Variants in HMCN2 observed in about 807,000 individuals in gnomAD.
The protein encoded by HMCN2 is hemicentin-2.
HMCN2 carries 325 observed loss-of-function variants against 377.5 expected under a neutral mutation model. That is an observed-to-expected ratio of 0.86 (90% CI 0.79 to 0.94). The LOEUF (loss-of-function observed/expected upper bound fraction) is 0.94. Among genes scored for constraint, HMCN2 ranks in the 40% least tolerant of loss-of-function variants. The pLI, the probability that HMCN2 is intolerant of heterozygous loss-of-function variation, is 0.00. For missense variants in HMCN2, 4,543 were observed against 4,725.3 expected (o/e 0.96, Z 1.13); for synonymous variants, 2,007 against 2,046.8 (o/e 0.98, Z 0.53).
rs1339492988 is a variant in HMCN2, at chr9:130,391,468, C to A, written c.9846C>A (p.Gly3282=). 2.0e-6 allele frequency: 2 copies of A among 987,798 alleles called. No homozygotes were observed. Among genetic ancestry groups the A allele is most frequent in the East Asian group, 2.3e-4 (2 of 8,810 alleles). 61.2% of individuals were successfully genotyped at this position (987,798 alleles called of 1,614,324 possible). The change falls in exon 65 of 98, where the codon GGC becomes GGA. Residue 3282 remains glycine, a synonymous_variant. Transcript: ENST00000683500. The part of the protein sequence containing the change: ...GPHLRFYLDG[G]SLVLKGLRAS... ...GTGGCAGGTTCTACCTGGACGGCGG[C>A]TCCCTGGTGCTAAAAGGCCTGAGGG...
At position 130,428,982 on chromosome 9, in the gene HMCN2, G is replaced by A. The variant is rs1844562548; in HGVS notation, c.14197+493G>A. 6.6e-6 allele frequency among the ~76,000 whole-genome samples: 1 copy of A among 152,196 alleles called. No individual in the cohort carries two copies. Among genetic ancestry groups the A allele is most frequent in the African/African-American group, 2.4e-5 (1 of 41,444 alleles). Reference sequence around the variant, plus strand: ...CCTGCTCTAACAGTCTATGGCTGTAGGACCGTGGGTCCACCCGGCTCCTCT... The same window carrying A: ...CCTGCTCTAACAGTCTATGGCTGTAAGACCGTGGGTCCACCCGGCTCCTCT... On this transcript the variant is annotated intron_variant, in intron 93 of 97. Coordinates refer to ENST00000683500, the MANE Select transcript of HMCN2 (RefSeq NM_001291815.2). This position sits in a 1 kb window ranked among gnomAD's most constrained non-coding sequence, Gnocchi z 5.0.
chr9:130,393,100 A>G lies in HMCN2; in HGVS notation c.10137-112A>G. 1 of 643,856 alleles carries G rather than the reference A, an allele frequency of 1.6e-6. No homozygotes were observed. Among genetic ancestry groups the G allele is most frequent in the Non-Finnish European group, 1.9e-6 (1 of 516,838 alleles). 39.9% of individuals were successfully genotyped at this position (643,856 alleles called of 1,614,324 possible). The stretch of plus-strand genomic sequence containing the variant: ...AGCTCTTGGGAGACAAAGGTTGGAA[A>G]AGGGAGGAAGTCTTTCCACGCAGCC... On this transcript the variant is annotated intron_variant, in intron 66 of 97. Transcript: ENST00000683500. This position sits in a 1 kb window ranked among gnomAD's most constrained non-coding sequence, Gnocchi z 5.2.
At chr9:130,342,676 C>T (rs1839122155) in intron 25 of HMCN2, among the ~76,000 whole-genome samples, 1 of 152,188 alleles carries the variant, frequency 6.6e-6, no homozygotes, top group Admixed American at 6.5e-5. Context: ...GTCACACAGC[C>T]AGGATGTGAC....
chr9:130,300,264 G>A (rs868944709), intron 8 of HMCN2, among the ~76,000 whole-genome samples: 16 of 150,254 alleles, frequency 1.1e-4, no homozygotes, highest in South Asian at 8.4e-4. Context: ...CCACCCATTC[G>A]TCCACCCACC....
Position 130,391,982 on chromosome 9 carries a change from A to T in HMCN2, c.10000A>T (p.Ser3334Cys). 4 of 988,248 alleles carry T rather than the reference A, an allele frequency of 4.0e-6. No individual in the cohort carries two copies. Among genetic ancestry groups the T allele is most frequent in the Non-Finnish European group, 4.8e-6 (4 of 830,320 alleles). 61.2% of individuals were successfully genotyped at this position (988,248 alleles called of 1,614,324 possible). The change falls in exon 66 of 98, where the codon AGC (serine) becomes TGC (cysteine). Residue 3334 changes from serine to cysteine, a missense_variant. By Grantham distance (112) the Ser-to-Cys change is moderately radical (BLOSUM62 -1). Transcript: ENST00000683500. ...QGADGSGTLV[S>C]RPGELVTMVC... ...AGCAGACGGCTCGGGGACCCTGGTG[A>T]GCAGGCCTGGGGAGCTGGTGACCAT...
At chr9:130,337,396 G>A (rs1838810905) in intron 22 of HMCN2, among the ~76,000 whole-genome samples, 1 of 152,100 alleles carries the variant, frequency 6.6e-6, no homozygotes, top group Admixed American at 6.5e-5. Flanking sequence ...GGGCCTCAGG[G>A]CTGCCAGCTT....
chr9:130,295,843 C>T (rs1301509637), intron 6 of HMCN2, 71 bp downstream of exon 6: 5 of 442,324 alleles, frequency 1.1e-5, no homozygotes, highest in Admixed American at 2.5e-5. Context: ...CTCCTACTTG[C>T]CCTGGGGAGC....
At chr9:130,415,842 A>G (rs1036279999) in intron 85 of HMCN2, among the ~76,000 whole-genome samples, 1 of 152,168 alleles carries the variant, frequency 6.6e-6, no homozygotes, top group Non-Finnish European at 1.5e-5. Context: ...AGCCAGGGCC[A>G]TGCCGCAGGC....
chr9:130,385,624 C>T lies in HMCN2; in HGVS notation c.9171C>T (p.Asp3057=), dbSNP rs1354080005. ...PQDAVLVRVG[D]KAVLSCETDA... ...ATGCGGTCCTGGTGAGGGTCGGGGA[C>T]AAAGCTGTCCTGAGCTGCGAGACAG... Residue 3057 remains aspartate (D), a synonymous_variant, in exon 60 of 98, where the codon GAC becomes GAT. Transcript: ENST00000683500. 1 of 1,304,204 alleles carries T rather than the reference C, an allele frequency of 7.7e-7. No individual in the cohort carries two copies. The highest frequency in any genetic ancestry group is 1.2e-5 in the South Asian group (1 of 81,030). The allele number at this position is 1,304,204 out of a possible 1,614,324, so 80.8% of individuals were successfully genotyped here. A position where few individuals can be genotyped will look rare whatever the true frequency, so the allele number is the denominator to read the frequency against.
Position 130,425,138 on chromosome 9 carries a change from G to A in HMCN2, c.13641+8G>A. The A allele has an allele frequency of 1.3e-6, 2 of 1,544,654 alleles. No homozygotes were observed. The highest frequency in any genetic ancestry group is 1.7e-6 in the Non-Finnish European group (2 of 1,144,186). Reference sequence around the variant, plus strand: ...GCAGATCTTCAAGTGCAGGTCGGGGGTCAAGCCCTGGGGTGTGCAGACAGG... The same window carrying A: ...GCAGATCTTCAAGTGCAGGTCGGGGATCAAGCCCTGGGGTGTGCAGACAGG... On this transcript the variant is annotated splice_region_variant and intron_variant, in intron 89 of 97. Transcript: ENST00000683500.
chr9:130,398,656 G>A lies in HMCN2; in HGVS notation c.11432G>A (p.Trp3811Ter), dbSNP rs1436981641. The A allele has an allele frequency of 7.8e-7, 1 of 1,289,566 alleles. No individual in the cohort carries two copies. Among genetic ancestry groups the A allele is most frequent in the Non-Finnish European group, 1.0e-6 (1 of 988,730 alleles). 79.9% of individuals were successfully genotyped at this position (1,289,566 alleles called of 1,614,324 possible). Reference protein sequence around the residue: ...ASGSPKPLVVWWKDGQKLDFR... With the variant: ...ASGSPKPLVV The stretch of plus-strand genomic sequence containing the variant: ...GGCTCCCCTAAGCCCCTGGTGGTCT[G>A]GTGGAAGGACGGACAGAAGCTGGAC... The change falls in exon 75 of 98, where the codon TGG (tryptophan) becomes TAG (stop). Residue 3811 changes from tryptophan (W) to a stop codon, truncating the protein, a stop_gained. Coordinates refer to ENST00000683500, the MANE Select transcript of HMCN2 (RefSeq NM_001291815.2). LOFTEE classifies it high-confidence loss of function.
intron 59 of HMCN2, among the ~76,000 whole-genome samples, chr9:130,385,048 G>A (rs1841946287): frequency 6.6e-6 from 1 of 152,212 alleles, no homozygotes; most frequent in Admixed American, 6.5e-5. Context: ...TTCAAGGCTC[G>A]TGGTCTTCAG....
chr9:130,379,127 A>G (rs771947851), intron 53 of HMCN2, 122 bp from the exon 54 acceptor site: 8 of 197,646 alleles, frequency 4.0e-5, no homozygotes, highest in Non-Finnish European at 5.5e-5. Context: ...GCCCTGACCC[A>G]AGGGAATGGC....
At chr9:130,340,798 G>A (rs1044402041) in intron 23 of HMCN2, among the ~76,000 whole-genome samples, 79 of 152,196 alleles carry the variant, frequency 5.2e-4, no homozygotes, top group Non-Finnish European at 5.4e-4. Context: ...GATTACAGGC[G>A]TGAGCCACCG....
At chr9:130,302,663 G>A (rs145132303) in intron 8 of HMCN2, among the ~76,000 whole-genome samples, 194 bp from the exon 9 acceptor site, 2 of 152,264 alleles carry the variant, frequency 1.3e-5, no homozygotes, top group South Asian at 2.1e-4. Flanking sequence ...AGCTCCTCAG[G>A]ACAACAGGAC....
chr9:130,384,592 C>T (rs1841913919), intron 58 of HMCN2, 58 bp downstream of exon 58: 1 of 1,301,866 alleles, frequency 7.7e-7, no homozygotes, highest in Non-Finnish European at 1.0e-6. Flanking sequence ...AGAGTTGCTC[C>T]CCCGACCTGG....
At chr9:130,405,848 T>G in intron 81 of HMCN2, 107 bp from the exon 82 acceptor site, 1 of 839,336 alleles carries the variant, frequency 1.2e-6, no homozygotes, top group South Asian at 1.6e-5. Flanking sequence ...GCAAGTCACT[T>G]CCCCTCTCTG....
At chr9:130,430,974 G>A (rs1844707420) in intron 95 of HMCN2, 1 of 294,010 alleles carries the variant, frequency 3.4e-6, no homozygotes, top group Non-Finnish European at 6.3e-6. Flanking sequence ...AATGTTCCAG[G>A]TAGACATGAG....
rs564316104 is a variant in HMCN2 at position 130,310,061 on chromosome 9, C to G, written c.2350C>G (p.His784Asp). The change falls in exon 15 of 98, where the codon CAT becomes GAT. Residue 784 changes from histidine to aspartate, a missense_variant and splice_region_variant. Physicochemically the swap from His to Asp is moderately conservative, Grantham distance 81 (BLOSUM62 -1). Transcript: ENST00000683500. ...ASAEIQLAVG[H>D]APQLTELPRD... ...TGCAGAAATCCAGCTGGCGGTTGGA[C>G]GTGAGTGTATACCTTGTCTCCCCCT... 23 of 530,870 alleles carry G rather than the reference C, an allele frequency of 4.3e-5. No individual in the cohort carries two copies. Among genetic ancestry groups the G allele is most frequent in the South Asian group, 3.1e-4 (22 of 70,918 alleles). 32.9% of individuals were successfully genotyped at this position (530,870 alleles called of 1,614,324 possible).
Sources: allele counts gnomAD v4.1 joint callset (sites outside exome capture counted in the v4.1 genomes callset), GRCh38; gene constraint gnomAD v4.1.1; non-coding constraint Gnocchi (gnomAD v3.1); transcripts MANE v1.5; gene names NCBI Gene and HGNC (gene_info 2026-07-23, HGNC 2026-07-21).